The following LRRC38 variants were observed in gnomAD, a reference collection of about 807,000 sequenced individuals.
LRRC38 encodes the protein leucine rich repeat containing 38, also known as leucine-rich repeat-containing protein 38.
Under a neutral mutation model 16.4 loss-of-function variants are expected in LRRC38, and 5 were observed. The ratio of observed to expected loss-of-function variants is 0.31; its 90% CI spans 0.16 to 0.64. The LOEUF (loss-of-function observed/expected upper bound fraction) is 0.64, where lower values mean the gene tolerates loss of function less well. Ranked by LOEUF, LRRC38 falls within the 30% of genes least tolerant of loss-of-function variation. The probability of loss-of-function intolerance (pLI) is 0.80; values close to 1 mark genes in which losing one functional copy is unlikely to be tolerated. For synonymous variants in LRRC38, 191 were observed against 190.2 expected (o/e 1.00, Z -0.04); for missense variants, 341 against 401.8 (o/e 0.85, Z 1.29).
At chr1:13,509,002 T>C (rs544381676) in intron 1 of LRRC38, among the ~76,000 whole-genome samples, 1 of 152,294 alleles carries the variant, frequency 6.6e-6, no homozygotes, top group Middle Eastern at 3.4e-3. Context: ...GGATGTTATC[T>C]TCAGGGTCTG....
At chr1:13,507,023 A>G (rs1316562051) in intron 1 of LRRC38, among the ~76,000 whole-genome samples, 2 of 152,328 alleles carry the variant, frequency 1.3e-5, no homozygotes, top group Non-Finnish European at 2.9e-5. Context: ...TGTTCAGCAA[A>G]AAGCGTTCCC....
intron 1 of LRRC38, among the ~76,000 whole-genome samples, chr1:13,493,890 C>T (rs1405042124): frequency 6.6e-6 from 1 of 152,140 alleles, no homozygotes; most frequent in Non-Finnish European, 1.5e-5. Context: ...TGGTGAAACC[C>T]CATCTCTACT....
Position 13,475,756 on chromosome 1 carries a change from G to A in LRRC38, c.*90C>T, listed in dbSNP as rs3795750. On this transcript the variant is annotated 3_prime_UTR_variant, in exon 2 of 2. Transcript: ENST00000376085. This position sits in a 1 kb window ranked among gnomAD's most constrained non-coding sequence, Gnocchi z 4.3. ...CTGTTCAGTTCACAGATGGTGGCCA[G>A]TGCTTTTCCATTTTCAGCATTTCCC... 0.35 allele frequency: 523,797 copies of A among 1,480,192 alleles called. 95,542 individuals carry two copies. Among genetic ancestry groups the A allele is most frequent in the East Asian group, 0.6 (24,072 of 40,346 alleles). The allele number at this position is 1,480,192 out of a possible 1,614,324, so 91.7% of individuals were successfully genotyped here.
At position 13,498,249 on chromosome 1, in the gene LRRC38, CAA is replaced by C. The variant is rs112781450; in HGVS notation, c.631+14712_631+14713del. Among the ~76,000 whole-genome samples, 186 of 147,292 alleles carry C rather than the reference CAA, an allele frequency of 1.3e-3. 1 individual carries two copies. Among genetic ancestry groups the C allele is most frequent in the African/African-American group, 4.4e-3 (177 of 40,586 alleles). On this transcript the variant is annotated intron_variant, in intron 1 of 1. Coordinates refer to ENST00000376085, the MANE Select transcript of LRRC38 (RefSeq NM_001010847.2). ...AACCAAAAAACAAAACAAAACAAAA[CAA>C]AAAAAAAAAGAGCCCAGTTTGTGTT...
At chr1:13,493,322 C>T (rs866725659) in intron 1 of LRRC38, among the ~76,000 whole-genome samples, 3 of 138,078 alleles carry the variant, frequency 2.2e-5, no homozygotes, top group Non-Finnish European at 3.1e-5. Flanking sequence ...GAAGTGACCT[C>T]GGGGTGGGGC....
At chr1:13,480,513 C>CA (rs1638839164) in intron 1 of LRRC38, among the ~76,000 whole-genome samples, 1 of 152,138 alleles carries the variant, frequency 6.6e-6, no homozygotes, top group Non-Finnish European at 1.5e-5. Context: ...CTCTGTTGCC[C>CA]AGTGATATGG....
At chr1:13,501,954 G>C (rs530661150) in intron 1 of LRRC38, among the ~76,000 whole-genome samples, 1 of 151,282 alleles carries the variant, frequency 6.6e-6, no homozygotes, top group East Asian at 2.0e-4. Flanking sequence ...GGGGGATGGA[G>C]TCTTGCTCTG....
At chr1:13,479,817 T>A (rs1033787791) in intron 1 of LRRC38, among the ~76,000 whole-genome samples, 4 of 152,200 alleles carry the variant, frequency 2.6e-5, no homozygotes, top group African/African-American at 9.7e-5. Context: ...CTACAAAGGC[T>A]GTGAAGCCAA....
chr1:13,485,682 C>T (rs1344824405), intron 1 of LRRC38, among the ~76,000 whole-genome samples: 1 of 152,076 alleles, frequency 6.6e-6, no homozygotes, highest in African/African-American at 2.4e-5. Flanking sequence ...GGTTTGGGGC[C>T]CATGCTACCT....
chr1:13,496,259 C>G (rs918755022), intron 1 of LRRC38, among the ~76,000 whole-genome samples: 5 of 152,110 alleles, frequency 3.3e-5, no homozygotes, highest in African/African-American at 1.2e-4. Flanking sequence ...TTCAAACAAT[C>G]CTGGCCTCAA....
intron 1 of LRRC38, among the ~76,000 whole-genome samples, chr1:13,501,193 A>G (rs1639144413): frequency 6.6e-6 from 1 of 151,960 alleles, no homozygotes; most frequent in South Asian, 2.1e-4. Context: ...ACTAAATAGT[A>G]TGTGGCATGC....
At chr1:13,495,484 G>A (rs189310700) in intron 1 of LRRC38, among the ~76,000 whole-genome samples, 1 of 152,064 alleles carries the variant, frequency 6.6e-6, no homozygotes, top group Admixed American at 6.6e-5. Context: ...ATGGTGGGGA[G>A]GGGGAGGGAG....
intron 1 of LRRC38, among the ~76,000 whole-genome samples, chr1:13,478,909 C>A (rs1158415635): frequency 6.6e-6 from 1 of 152,108 alleles, no homozygotes; most frequent in Non-Finnish European, 1.5e-5. Context: ...GGAACCATTG[C>A]CTAGCAACCA....
chr1:13,496,839 A>G (rs1026046607), intron 1 of LRRC38, among the ~76,000 whole-genome samples: 3 of 152,162 alleles, frequency 2.0e-5, no homozygotes, highest in Non-Finnish European at 2.9e-5. Flanking sequence ...GCAGGGGGAC[A>G]GGGAAGGAGA....
chr1:13,502,070 GGGGCAC>G (rs1349050062), intron 1 of LRRC38, among the ~76,000 whole-genome samples: 11 of 151,784 alleles, frequency 7.2e-5, no homozygotes, highest in African/African-American at 2.7e-4. Context: ...GGGGACTACA[GGGGCAC>G]GCTGCCACGC....
At chr1:13,476,637 T>C (rs1638792629) in intron 1 of LRRC38, among the ~76,000 whole-genome samples, 1 of 152,178 alleles carries the variant, frequency 6.6e-6, no homozygotes, top group South Asian at 2.1e-4. Context: ...CCAGGTTTAT[T>C]ACTCTTTTGA....
chr1:13,497,458 T>G (rs531161480), intron 1 of LRRC38, among the ~76,000 whole-genome samples: 6 of 151,982 alleles, frequency 3.9e-5, no homozygotes, highest in African/African-American at 1.5e-4. Context: ...TAGTTTCTGA[T>G]GTGAGATTTG....
In LRRC38 at chr1:13,475,838, G is replaced by A. The variant is rs1234676511; in HGVS notation, c.*8C>T. 3 of 1,547,670 alleles carry A rather than the reference G, an allele frequency of 1.9e-6. No homozygotes were observed. The highest frequency in any genetic ancestry group is 1.2e-5 in the South Asian group (1 of 83,948). Reference sequence around the variant, plus strand: ...CTGGAGAGTAAGAGGCAGGAGGGAGGAGGTGGCTCAGTCATCCTTGTCCTC... The same window carrying A: ...CTGGAGAGTAAGAGGCAGGAGGGAGAAGGTGGCTCAGTCATCCTTGTCCTC... On this transcript the variant is annotated 3_prime_UTR_variant, in exon 2 of 2. Coordinates refer to ENST00000376085, the MANE Select transcript of LRRC38 (RefSeq NM_001010847.2). This position sits in a 1 kb window ranked among gnomAD's most constrained non-coding sequence, Gnocchi z 4.3.
intron 1 of LRRC38, among the ~76,000 whole-genome samples, chr1:13,496,390 C>G (rs554728271): frequency 6.6e-6 from 1 of 152,166 alleles, no homozygotes; most frequent in East Asian, 1.9e-4. Context: ...CCAGGCTGGT[C>G]TCAAACTCCT....
Sources: allele counts gnomAD v4.1 joint callset (sites outside exome capture counted in the v4.1 genomes callset), GRCh38; gene constraint gnomAD v4.1.1; non-coding constraint Gnocchi (gnomAD v3.1); transcripts MANE v1.5; gene names NCBI Gene and HGNC (gene_info 2026-07-23, HGNC 2026-07-21).